Variants in TMEM132D observed in about 807,000 individuals in gnomAD.
TMEM132D encodes mature OL transmembrane protein.
Under a neutral mutation model 62.3 loss-of-function variants are expected in TMEM132D, and 21 were observed. The ratio of observed to expected loss-of-function variants is 0.34; its 90% CI spans 0.24 to 0.49. TMEM132D has a LOEUF of 0.49. Ranked by LOEUF, TMEM132D falls within the 20% of genes least tolerant of loss-of-function variation. The pLI is 0.99. For missense variants in TMEM132D, 1,346 were observed against 1,402.8 expected (o/e 0.96, Z 0.65); for synonymous variants, 621 against 575.6 (o/e 1.08, Z -1.13).
chr12:129,451,010 C>A (rs191986668), intron 3 of TMEM132D, among the ~76,000 whole-genome samples: 9 of 152,216 alleles, frequency 5.9e-5, no homozygotes, highest in Admixed American at 5.2e-4. Flanking sequence ...GATCCACCCT[C>A]CTCAGCCTCC....
intron 3 of TMEM132D, among the ~76,000 whole-genome samples, chr12:129,338,344 G>A (rs566459160): frequency 6.6e-6 from 1 of 152,124 alleles, no homozygotes; most frequent in African/African-American, 2.4e-5. Context: ...AGGGTCAAGG[G>A]GGTCGCTGTG....
At chr12:129,652,604 C>T in intron 2 of TMEM132D, among the ~76,000 whole-genome samples, 1 of 152,166 alleles carries the variant, frequency 6.6e-6, no homozygotes, top group Admixed American at 6.5e-5. Flanking sequence ...CAGGAAGGGG[C>T]CACAAGCCAG....
intron 3 of TMEM132D, among the ~76,000 whole-genome samples, chr12:129,365,490 G>A (rs886591354): frequency 1.3e-5 from 2 of 152,136 alleles, no homozygotes; most frequent in Non-Finnish European, 2.9e-5. Flanking sequence ...GTCTTAGGAG[G>A]GTTTCTTGAA....
rs544118645 is a variant in TMEM132D, at chr12:129,450,816, C to G, written c.1115+80243G>C. ...CTGTCGCCCAGGCTGGAGTGCAGTGCTGCAATCTCAGCTCACTGCAACTTC... is the reference window on the plus strand; with the variant it reads ...CTGTCGCCCAGGCTGGAGTGCAGTGGTGCAATCTCAGCTCACTGCAACTTC... On this transcript the variant is annotated intron_variant, in intron 3 of 8. Coordinates refer to ENST00000422113, the MANE Select transcript of TMEM132D (RefSeq NM_133448.3). Among the ~76,000 whole-genome samples, 9 of 136,298 alleles carry G rather than the reference C, an allele frequency of 6.6e-5. No homozygotes were observed. In the South Asian group the frequency reaches 1.4e-3, roughly 21 times the overall value. The allele number at this position is 136,298 out of a possible 152,430, so 89.4% of individuals were successfully genotyped here. A position where few individuals can be genotyped will look rare whatever the true frequency, so the allele number is the denominator to read the frequency against.
rs749902327 is a variant in TMEM132D, at chr12:129,209,612, G to C, written c.1351C>G (p.Pro451Ala). The C allele has an allele frequency of 1.1e-5, 18 of 1,614,182 alleles. No homozygotes were observed. The Admixed American group carries it at 3.0e-4, about 27-fold the overall frequency. ...AILTGKTVAV[P>A]VKVVSVEDDG... is the part of the protein sequence containing the mutation. Reference sequence around the variant, plus strand: ...TCCTCCACGGAGACCACTTTCACCGGGACGGCCACCGTCTTCCCCGTGAGG... The same window carrying C: ...TCCTCCACGGAGACCACTTTCACCGCGACGGCCACCGTCTTCCCCGTGAGG... Residue 451 changes from proline (P) to alanine (A), a missense_variant, in exon 5 of 9, where the codon CCG (proline) becomes GCG (alanine). Transcript: ENST00000422113.
intron 4 of TMEM132D, chr12:129,210,155 A>G (rs1005543470): frequency 5.0e-5 from 8 of 161,584 alleles, no homozygotes; most frequent in African/African-American, 1.9e-4. Context: ...AGCTAACTCA[A>G]ATAGGTCTAA....
intron 3 of TMEM132D, among the ~76,000 whole-genome samples, chr12:129,529,590 AAG>A (rs1876156597): frequency 6.6e-6 from 1 of 152,250 alleles, no homozygotes; most frequent in Admixed American, 6.5e-5. Flanking sequence ...AATACATAAA[AAG>A]AGATGGCAAA....
intron 3 of TMEM132D, among the ~76,000 whole-genome samples, chr12:129,450,851 G>A (rs1873259345): frequency 6.7e-6 from 1 of 149,502 alleles, no homozygotes; most frequent in Non-Finnish European, 1.5e-5. Flanking sequence ...CTGCCTCTCG[G>A]GTTCAAGCAA....
intron 3 of TMEM132D, among the ~76,000 whole-genome samples, chr12:129,513,602 A>G (rs1875562165): frequency 6.6e-6 from 1 of 150,668 alleles, no homozygotes; most frequent in South Asian, 2.1e-4. Context: ...CTCCTGCCTC[A>G]GCCTCCCGAG....
intron 4 of TMEM132D, among the ~76,000 whole-genome samples, chr12:129,290,340 GA>G (rs1881414847): frequency 6.6e-6 from 1 of 152,126 alleles, no homozygotes; most frequent in East Asian, 1.9e-4. Flanking sequence ...ACGTGAGTGA[GA>G]AACAGGTTTC....
chr12:129,884,751 C>A (rs1593198600), intron 1 of TMEM132D, among the ~76,000 whole-genome samples: 1 of 152,190 alleles, frequency 6.6e-6, no homozygotes, highest in Non-Finnish European at 1.5e-5. Flanking sequence ...GTGACCCCAG[C>A]AATGTCATCC....
intron 3 of TMEM132D, among the ~76,000 whole-genome samples, chr12:129,416,721 A>G (rs1872132276): frequency 6.6e-6 from 1 of 152,174 alleles, no homozygotes; most frequent in South Asian, 2.1e-4. Flanking sequence ...TGTTCCATCA[A>G]TATCTAGTTT....
At chr12:129,124,874 C>T (rs1876169432) in intron 5 of TMEM132D, among the ~76,000 whole-genome samples, 1 of 152,112 alleles carries the variant, frequency 6.6e-6, no homozygotes, top group African/African-American at 2.4e-5. Flanking sequence ...TCAAGAGCTC[C>T]CCCTCCCTCT....
rs149238656 is a variant in TMEM132D, at chr12:129,842,836, C to T, written c.79+60425G>A. On this transcript the variant is annotated intron_variant, in intron 1 of 8. Coordinates refer to ENST00000422113, the MANE Select transcript of TMEM132D (RefSeq NM_133448.3). ...CTTTCAGTGGACACAGAGCAGGACA[C>T]GGTATCTGCTAAGAGACGAGTCATC... 4.5e-3 allele frequency among the ~76,000 whole-genome samples: 679 copies of T among 152,218 alleles called. 4 individuals are homozygous for T. Among genetic ancestry groups the T allele is most frequent in the African/African-American group, 0.015 (604 of 41,540 alleles).
At chr12:129,369,450 G>A (rs1440209923) in intron 3 of TMEM132D, among the ~76,000 whole-genome samples, 1 of 152,154 alleles carries the variant, frequency 6.6e-6, no homozygotes, top group Non-Finnish European at 1.5e-5. Flanking sequence ...GGATTAGGTA[G>A]GAATCATGGC....
chr12:129,639,157 C>T (rs897978710), intron 2 of TMEM132D, among the ~76,000 whole-genome samples: 2 of 151,466 alleles, frequency 1.3e-5, no homozygotes, highest in Non-Finnish European at 2.9e-5. Context: ...CTGAGGCGGG[C>T]GGATCACTTG....
intron 1 of TMEM132D, among the ~76,000 whole-genome samples, chr12:129,714,810 G>A (rs899906743): frequency 3.3e-5 from 5 of 152,154 alleles, no homozygotes; most frequent in African/African-American, 7.2e-5. Flanking sequence ...TCTGTCTCAC[G>A]GTCGGAAGCC....
At chr12:129,657,105 A>T (rs1181264304) in intron 2 of TMEM132D, among the ~76,000 whole-genome samples, 2 of 152,228 alleles carry the variant, frequency 1.3e-5, no homozygotes, top group African/African-American at 4.8e-5. Context: ...GACTCACGGA[A>T]GTTAAAGTCC....
At chr12:129,636,737 T>TGTGTGTGTGTGTGTGTGTGTGTGAGAGA (rs375868329) in intron 2 of TMEM132D, among the ~76,000 whole-genome samples, 4 of 113,624 alleles carry the variant, frequency 3.5e-5, no homozygotes, top group South Asian at 3.8e-4. Context: ...TGTGTGTGTG[T>TGTGTGTGTGTGTGTGTGTGTGTGAGAGA]GAGAGAGAGA....
Sources: gnomAD v4.1 joint callset for allele counts (sites outside exome capture counted in the v4.1 genomes callset) on GRCh38, gnomAD v4.1.1 for gene constraint, MANE v1.5 for transcripts, NCBI Gene and HGNC (gene_info 2026-07-23, HGNC 2026-07-21) for gene names.